Variants in SLC11A1 observed in about 807,000 individuals in gnomAD.
SLC11A1 encodes the protein natural resistance-associated macrophage protein 1.
In SLC11A1, 59 loss-of-function variants were observed where a neutral mutation model predicts 63.2. The observed-to-expected ratio is 0.93, with a 90% CI of 0.76 to 1.16. SLC11A1 has a LOEUF of 1.16. Among genes scored for constraint, SLC11A1 ranks in the 50% most tolerant of loss-of-function variants. The pLI is 0.00. For synonymous variants in SLC11A1, 305 were observed against 307.8 expected (o/e 0.99, Z 0.09); for missense variants, 688 against 730.7 (o/e 0.94, Z 0.67).
chr2:218,393,156 C>T, intron 12 of SLC11A1, 26 bp downstream of exon 12: 1 of 1,517,748 alleles, frequency 6.6e-7, no homozygotes, highest in South Asian at 1.2e-5. Flanking sequence ...CCCACCAGCC[C>T]TGCCCACTGC....
In SLC11A1 at chr2:218,385,138, T is replaced by C; in HGVS notation, c.274-9T>C. On this transcript the variant is annotated splice_polypyrimidine_tract_variant and intron_variant, in intron 3 of 14. Transcript: ENST00000233202. Reference sequence around the variant, plus strand: ...CTCTGGCTGAAGGCCTCTCCCTGCCTCCTCACAGCTTCTCTGGGTGCTGCT... The same window carrying C: ...CTCTGGCTGAAGGCCTCTCCCTGCCCCCTCACAGCTTCTCTGGGTGCTGCT... The C allele has an allele frequency of 6.2e-7, 1 of 1,613,382 alleles. No homozygotes were observed. The highest frequency in any genetic ancestry group is 8.5e-7 in the Non-Finnish European group (1 of 1,179,702).
chr2:218,386,662 A>G lies in SLC11A1; in HGVS notation c.421A>G (p.Ile141Val). The G allele has an allele frequency of 1.2e-6, 2 of 1,613,984 alleles. No homozygotes were observed. The highest frequency in any genetic ancestry group is 1.7e-5 in the Admixed American group (1 of 60,000). The stretch of plus-strand genomic sequence containing the variant: ...GCCCCGCACCGTCCTCTGGCTGACC[A>G]TCGAGCTAGCCATTGTGGGCTCCGA... ...KVPRTVLWLT[I>V]ELAIVGSDMQ... Residue 141 changes from isoleucine (I) to valine (V), a missense_variant, in exon 5 of 15, where the codon ATC (isoleucine) becomes GTC (valine). Ile to Val is a conservative substitution (Grantham distance 29, BLOSUM62 3). Coordinates refer to ENST00000233202, the MANE Select transcript of SLC11A1 (RefSeq NM_000578.4).
Position 218,387,839 on chromosome 2 carries a change from G to T in SLC11A1, c.679G>T (p.Gly227Cys). ...ARPEQGALLR[G>C]LFLPSCPGCG... ...TCCTGAGCAGGGAGCGCTTCTTCGG[G>T]GCCTGTTCCTGCCCTCGTGCCCGGG... is the stretch of plus-strand genomic sequence containing the variant. Residue 227 changes from glycine (G) to cysteine (C), a missense_variant, in exon 8 of 15, where the codon GGC becomes TGC. Gly to Cys is a radical substitution (Grantham distance 159). Coordinates refer to ENST00000233202, the MANE Select transcript of SLC11A1 (RefSeq NM_000578.4). 2 of 1,603,542 alleles carry T rather than the reference G, an allele frequency of 1.2e-6. No homozygotes were observed. Among genetic ancestry groups the T allele is most frequent in the Non-Finnish European group, 1.7e-6 (2 of 1,175,180 alleles).
intron 5 of SLC11A1, 195 bp from the exon 6 acceptor site, chr2:218,386,965 G>A (rs758848111): frequency 1.7e-5 from 11 of 649,024 alleles, no homozygotes; most frequent in Non-Finnish European, 2.8e-5. Context: ...GCTGCGCCGG[G>A]TGCCAGGTCT....
In SLC11A1 at chr2:218,383,048, A is replaced by G. The variant is rs766366572; in HGVS notation, c.96A>G (p.Ala32=). ...CGACCAGCCCAGGGCCACAGCAAGC[A>G]CCTCCCAGAGAGACCTACCTGAGTG... The part of the protein sequence containing the change: ...TSPTSPGPQQ[A]PPRETYLSEK... Residue 32 remains alanine, a synonymous_variant, in exon 2 of 15, where the codon GCA becomes GCG. Coordinates refer to ENST00000233202, the MANE Select transcript of SLC11A1 (RefSeq NM_000578.4). The G allele has an allele frequency of 2.5e-6, 4 of 1,613,796 alleles. No individual in the cohort carries two copies. Among genetic ancestry groups the G allele is most frequent in the Non-Finnish European group, 3.4e-6 (4 of 1,179,924 alleles).
chr2:218,394,075 T>C, intron 12 of SLC11A1, 45 bp from the exon 13 acceptor site: 1 of 1,606,010 alleles, frequency 6.2e-7, no homozygotes, highest in Admixed American at 1.7e-5. Flanking sequence ...CTTGCCATAT[T>C]CTGAGGCAGA....
chr2:218,388,033 C>T (rs1696209625), intron 8 of SLC11A1, 78 bp downstream of exon 8: 1 of 1,425,106 alleles, frequency 7.0e-7, no homozygotes, highest in Non-Finnish European at 9.4e-7. Context: ...CCTGGAGCCC[C>T]TCCCCTCTGG....
At position 218,396,099 on chromosome 2, in the gene SLC11A1, G is replaced by T. The variant is rs1040590207; in HGVS notation, c.*1064G>T. ...ACTGCTCCCCCTAGGGGCAGAGACG[G>T]TCCCGACGCCCGCCATCCCGCCCCG... is the stretch of plus-strand genomic sequence containing the variant. On this transcript the variant is annotated 3_prime_UTR_variant, in exon 15 of 15. Coordinates refer to ENST00000233202, the MANE Select transcript of SLC11A1 (RefSeq NM_000578.4). The T allele has an allele frequency of 1.3e-5, 2 of 152,246 alleles. No homozygotes were observed. Among genetic ancestry groups the T allele is most frequent in the Non-Finnish European group, 2.9e-5 (2 of 68,042 alleles). 9.4% of individuals were successfully genotyped at this position (152,246 alleles called of 1,614,324 possible). A position where few individuals can be genotyped will look rare whatever the true frequency, so the allele number is the denominator to read the frequency against.
chr2:218,391,696 C>G (rs944956766), intron 11 of SLC11A1: 1 of 590,994 alleles, frequency 1.7e-6, no homozygotes, highest in Non-Finnish European at 2.8e-6. Context: ...GCGATCTCGG[C>G]TCACTGCAAC....
In SLC11A1 at chr2:218,385,234, T is replaced by C; in HGVS notation, c.361T>C (p.Leu121=). ...TCTGGGCGTGGTGACAGGCAAGGACTTGGGCGAGGTCTGCCATCTCTACTA... is the reference window on the plus strand; with the variant it reads ...TCTGGGCGTGGTGACAGGCAAGGACCTGGGCGAGGTCTGCCATCTCTACTA... ...ARLGVVTGKD[L]GEVCHLYYPK... is the part of the protein sequence containing the mutation. Residue 121 remains leucine (L), a synonymous_variant, in exon 4 of 15, where the codon TTG becomes CTG. Coordinates refer to ENST00000233202, the MANE Select transcript of SLC11A1 (RefSeq NM_000578.4). 1 of 1,614,030 alleles carries C rather than the reference T, an allele frequency of 6.2e-7. No individual in the cohort carries two copies. The highest frequency in any genetic ancestry group is 1.3e-5 in the African/African-American group (1 of 75,070).
intron 13 of SLC11A1, 62 bp from the exon 14 acceptor site, chr2:218,394,570 G>A (rs1264167394): frequency 2.6e-6 from 4 of 1,567,056 alleles, no homozygotes; most frequent in Non-Finnish European, 3.5e-6. Context: ...GAGATGAAGA[G>A]GAGTTGATGC....
Position 218,396,383 on chromosome 2 carries a change from C to G in SLC11A1, c.*1348C>G, listed in dbSNP as rs1696768204. 1 of 152,460 alleles carries G rather than the reference C, an allele frequency of 6.6e-6. No individual in the cohort carries two copies. The highest frequency in any genetic ancestry group is 1.5e-5 in the Non-Finnish European group (1 of 68,130). The allele number at this position is 152,460 out of a possible 1,614,324, so 9.4% of individuals were successfully genotyped here. A position where few individuals can be genotyped will look rare whatever the true frequency, so the allele number is the denominator to read the frequency against. ...GGTCCCTCAGACCCCAGCCCAGGACCTGCGGAGGGCCGCAGCGAGGAGAGG... is the reference window on the plus strand; with the variant it reads ...GGTCCCTCAGACCCCAGCCCAGGACGTGCGGAGGGCCGCAGCGAGGAGAGG... On this transcript the variant is annotated 3_prime_UTR_variant, in exon 15 of 15. Transcript: ENST00000233202.
At chr2:218,387,257 GA>G in intron 6 of SLC11A1, 27 bp downstream of exon 6, 1 of 1,596,078 alleles carries the variant, frequency 6.3e-7, no homozygotes, top group Non-Finnish European at 8.6e-7. Flanking sequence ...CCTCATAGGG[GA>G]GTGGTGGTGG....
chr2:218,391,540 G>A lies in SLC11A1; in HGVS notation c.1164+45G>A, dbSNP rs756383753. 5.8e-6 allele frequency: 9 copies of A among 1,544,672 alleles called. No individual in the cohort carries two copies. In the South Asian group the frequency reaches 1.1e-4, roughly 18 times the overall value. The stretch of plus-strand genomic sequence containing the variant: ...CAGGAGGGCAAGGGGTCCAAGGACA[G>A]CAGGCACACTACTGGGGGCTAGAAC... On this transcript the variant is annotated intron_variant, in intron 11 of 14. Transcript: ENST00000233202.
In SLC11A1 at chr2:218,394,191, C is replaced by A. The variant is rs1412187006; in HGVS notation, c.1386C>A (p.Gly462=). Residue 462 remains glycine, a splice_region_variant and synonymous_variant, in exon 13 of 15, where the codon GGC becomes GGA. Coordinates refer to ENST00000233202, the MANE Select transcript of SLC11A1 (RefSeq NM_000578.4). ...CCCTCATGCAGGAGTTTGCCAATGG[C>A]CTGTGAGTACCCCCTTTCCCAAGTG... is the stretch of plus-strand genomic sequence containing the variant. ...MPTLMQEFAN[G]LLNKVVTSSI... 5.6e-6 allele frequency: 9 copies of A among 1,613,940 alleles called. No homozygotes were observed. In the Admixed American group the frequency reaches 6.7e-5, roughly 12 times the overall value.
rs1696414445 is a variant in SLC11A1, at chr2:218,391,198, T to G, written c.955T>G (p.Phe319Val). 6 of 1,613,208 alleles carry G rather than the reference T, an allele frequency of 3.7e-6. No individual in the cohort carries two copies. Among genetic ancestry groups the G allele is most frequent in the Non-Finnish European group, 5.1e-6 (6 of 1,179,362 alleles). Residue 319 changes from phenylalanine (F) to valine (V), a missense_variant and splice_region_variant, in exon 10 of 15, where the codon TTC becomes GTC. By Grantham distance (50) the Phe-to-Val change is conservative. Transcript: ENST00000233202. ...CCTTCTACTGCCCTGGTACCCACAG[T>G]TCAACATCTGTGCCAACAGCAGCCT... ...AFYQKTNQAA[F>V]NICANSSLHD...
At chr2:218,390,192 G>A (rs534213665) in intron 9 of SLC11A1, among the ~76,000 whole-genome samples, 164 bp downstream of exon 9, 6 of 152,224 alleles carry the variant, frequency 3.9e-5, no homozygotes, top group Non-Finnish European at 8.8e-5. Context: ...TTGAGCATTT[G>A]TTATATACCA....
Position 218,382,378 on chromosome 2 carries a change from G to A in SLC11A1, c.7+3G>A. ...TGAAGTCGGCATTTCAATGACAGGT[G>A]AGTAGTGGCCCCTAGGGACAGAGCC... On this transcript the variant is annotated splice_donor_region_variant and intron_variant, in intron 1 of 14. Transcript: ENST00000233202. 6.2e-7 allele frequency: 1 copy of A among 1,613,494 alleles called. No individual in the cohort carries two copies. Among genetic ancestry groups the A allele is most frequent in the Non-Finnish European group, 8.5e-7 (1 of 1,179,624 alleles).
Position 218,385,137 on chromosome 2 carries a change from C to T in SLC11A1, c.274-10C>T. The T allele has an allele frequency of 6.2e-7, 1 of 1,613,454 alleles. No individual in the cohort carries two copies. The highest frequency in any genetic ancestry group is 1.1e-5 in the South Asian group (1 of 91,080). On this transcript the variant is annotated splice_polypyrimidine_tract_variant and intron_variant, in intron 3 of 14. Transcript: ENST00000233202. ...TCTCTGGCTGAAGGCCTCTCCCTGC[C>T]TCCTCACAGCTTCTCTGGGTGCTGC...
Sources: gnomAD v4.1 joint callset for allele counts (sites outside exome capture counted in the v4.1 genomes callset) on GRCh38, gnomAD v4.1.1 for gene constraint, MANE v1.5 for transcripts, NCBI Gene and HGNC (gene_info 2026-07-23, HGNC 2026-07-21) for gene names.